KCNQ1: variants seen among roughly 807,000 people sequenced by gnomAD.
KCNQ1 encodes the protein potassium voltage-gated channel subfamily Q member 1.
KCNQ1 carries 49 observed loss-of-function variants against 72.4 expected under a neutral mutation model. That is an observed-to-expected ratio of 0.68 (90% confidence interval 0.54 to 0.86). KCNQ1 has a LOEUF of 0.86. Ranked by LOEUF, KCNQ1 falls within the 40% of genes least tolerant of loss-of-function variation. The probability of loss-of-function intolerance (pLI) is 0.00; values close to 1 mark genes in which losing one functional copy is unlikely to be tolerated. For missense variants in KCNQ1, 790 were observed against 945.1 expected (o/e 0.84, Z 2.15); for synonymous variants, 450 against 412.6 (o/e 1.09, Z -1.10).
intron 11 of KCNQ1, among the ~76,000 whole-genome samples, chr11:2,730,345 A>G (rs1479081760): frequency 6.6e-6 from 1 of 152,224 alleles, no homozygotes; most frequent in Non-Finnish European, 1.5e-5. Flanking sequence ...ATTATCTAAC[A>G]GCTCTGGAGG....
intron 13 of KCNQ1, among the ~76,000 whole-genome samples, chr11:2,776,617 C>T (rs1039509273): frequency 2.8e-4 from 43 of 152,178 alleles, no homozygotes; most frequent in Non-Finnish European, 2.1e-4. Context: ...GAGATGGGCT[C>T]GCCTGGGAAC....
At chr11:2,842,622 GCA>G (rs1338184241) in intron 15 of KCNQ1, among the ~76,000 whole-genome samples, 10 of 152,030 alleles carry the variant, frequency 6.6e-5, no homozygotes, top group Non-Finnish European at 1.0e-4. Flanking sequence ...CTTCTTGCAC[GCA>G]CAGTCTCCCA....
chr11:2,814,558 T>G (rs1590106492), intron 15 of KCNQ1, among the ~76,000 whole-genome samples: 1 of 150,016 alleles, frequency 6.7e-6, no homozygotes, highest in East Asian at 2.0e-4. Context: ...GGAGAAATGA[T>G]GGATAGGTGG....
At position 2,523,751 on chromosome 11, in the gene KCNQ1, G is replaced by GTTTTTTT. The variant is rs59766245; in HGVS notation, c.387-4163_387-4157dup. Among the ~76,000 whole-genome samples, 772 of 115,090 alleles carry GTTTTTTT rather than the reference G, an allele frequency of 6.7e-3. 35 individuals are homozygous for GTTTTTTT. The highest frequency in any genetic ancestry group is 0.023 in the African/African-American group (665 of 29,460). The allele number at this position is 115,090 out of a possible 152,430, so 75.5% of individuals were successfully genotyped here. ...GCCTCTGCCTTGGAGGAAGTTTACA[G>GTTTTTTT]TTTTTTTTTTTTTTTTTTTTGAAAG... On this transcript the variant is annotated intron_variant, in intron 1 of 15. Coordinates refer to ENST00000155840, the MANE Select transcript of KCNQ1 (RefSeq NM_000218.3).
chr11:2,677,376 G>A lies in KCNQ1; in HGVS notation c.1514+15295G>A. 1 of 398,586 alleles carries A rather than the reference G, an allele frequency of 2.5e-6. No individual in the cohort carries two copies. The highest frequency in any genetic ancestry group is 4.4e-6 in the Non-Finnish European group (1 of 226,044). The allele number at this position is 398,586 out of a possible 1,614,324, so 24.7% of individuals were successfully genotyped here. A position where few individuals can be genotyped will look rare whatever the true frequency, so the allele number is the denominator to read the frequency against. On this transcript the variant is annotated intron_variant, in intron 11 of 15. Transcript: ENST00000155840. The surrounding 1 kb of genome is among the most constrained non-coding windows in gnomAD (Gnocchi z 4.5). ...GAGTAGACCAGTTAGTTAATCAGTTGAAGAGGAAACCAAGATCGATGCCTA... is the reference window on the plus strand; with the variant it reads ...GAGTAGACCAGTTAGTTAATCAGTTAAAGAGGAAACCAAGATCGATGCCTA...
chr11:2,668,145 G>A lies in KCNQ1; in HGVS notation c.1514+6064G>A. 2.5e-6 allele frequency: 1 copy of A among 398,628 alleles called. No homozygotes were observed. Among genetic ancestry groups the A allele is most frequent in the East Asian group, 3.6e-5 (1 of 28,078 alleles). The allele number at this position is 398,628 out of a possible 1,614,324, so 24.7% of individuals were successfully genotyped here. On this transcript the variant is annotated intron_variant, in intron 11 of 15. Transcript: ENST00000155840. This position sits in a 1 kb window ranked among gnomAD's most constrained non-coding sequence, Gnocchi z 4.3. The stretch of plus-strand genomic sequence containing the variant: ...TGGCAGCCTCTCTATGGGGCTGAAG[G>A]GAGAGTGCTCCCTCATGCTCCTTGC...
chr11:2,784,624 T>C lies in KCNQ1; in HGVS notation c.1794+6587T>C, dbSNP rs1023452718. On this transcript the variant is annotated intron_variant, in intron 15 of 15. Coordinates refer to ENST00000155840, the MANE Select transcript of KCNQ1 (RefSeq NM_000218.3). The surrounding 1 kb of genome is among the most constrained non-coding windows in gnomAD (Gnocchi z 4.7). ...AATCTATAGATCCATTTGGGGAAAA[T>C]TGACAACTTAACAAAATTGAGTATT... Among the ~76,000 whole-genome samples, 1 of 151,894 alleles carries C rather than the reference T, an allele frequency of 6.6e-6. No individual in the cohort carries two copies. The highest frequency in any genetic ancestry group is 2.4e-5 in the African/African-American group (1 of 41,428).
chr11:2,652,338 C>G lies in KCNQ1; in HGVS notation c.1394-9623C>G. On this transcript the variant is annotated intron_variant, in intron 10 of 15. Transcript: ENST00000155840. The surrounding 1 kb of genome is among the most constrained non-coding windows in gnomAD (Gnocchi z 5.9). Reference sequence around the variant, plus strand: ...TATTGTGTGAAGTTAAGAACTGGCACATTTCCGCGATGTTGTGATGAAGGT... The same window carrying G: ...TATTGTGTGAAGTTAAGAACTGGCAGATTTCCGCGATGTTGTGATGAAGGT... 1 of 398,666 alleles carries G rather than the reference C, an allele frequency of 2.5e-6. No individual in the cohort carries two copies. Among genetic ancestry groups the G allele is most frequent in the Non-Finnish European group, 4.4e-6 (1 of 226,072 alleles). 24.7% of individuals were successfully genotyped at this position (398,666 alleles called of 1,614,324 possible). A position where few individuals can be genotyped will look rare whatever the true frequency, so the allele number is the denominator to read the frequency against.
intron 11 of KCNQ1, chr11:2,667,524 C>T (rs1348837832): frequency 3.1e-6 from 1 of 325,576 alleles, no homozygotes; most frequent in African/African-American, 2.3e-5. Flanking sequence ...GGGCAAAGGA[C>T]TTCACAACTG....
rs550780249 is a variant in KCNQ1 at position 2,541,812 on chromosome 11, C to T, written c.477+13794C>T. On this transcript the variant is annotated intron_variant, in intron 2 of 15. Coordinates refer to ENST00000155840, the MANE Select transcript of KCNQ1 (RefSeq NM_000218.3). This position sits in a 1 kb window ranked among gnomAD's most constrained non-coding sequence, Gnocchi z 4.8. ...AGTTTGTAAGAATTTGTAGTTTCTCCCCAGAGTTCATGGAGCCCCTGTCAG... is the reference window on the plus strand; with the variant it reads ...AGTTTGTAAGAATTTGTAGTTTCTCTCCAGAGTTCATGGAGCCCCTGTCAG... Among the ~76,000 whole-genome samples the T allele has an allele frequency of 7.2e-5, 11 of 152,174 alleles. No homozygotes were observed. The highest frequency in any genetic ancestry group is 3.3e-4 in the Admixed American group (5 of 15,298).
Position 2,515,639 on chromosome 11 carries a change from C to T in KCNQ1, c.387-12289C>T, listed in dbSNP as rs1385612358. 6.6e-6 allele frequency among the ~76,000 whole-genome samples: 1 copy of T among 152,146 alleles called. No individual in the cohort carries two copies. The highest frequency in any genetic ancestry group is 1.5e-5 in the Non-Finnish European group (1 of 68,024). On this transcript the variant is annotated intron_variant, in intron 1 of 15. Coordinates refer to ENST00000155840, the MANE Select transcript of KCNQ1 (RefSeq NM_000218.3). This position sits in a 1 kb window ranked among gnomAD's most constrained non-coding sequence, Gnocchi z 4.7. The stretch of plus-strand genomic sequence containing the variant: ...CAGCCCCTCCTCACCCTAGGCAGGC[C>T]TCTCACAGAGACAAGACGAGTGTCC...
At chr11:2,534,934 G>C (rs1427363985) in intron 2 of KCNQ1, among the ~76,000 whole-genome samples, 1 of 152,206 alleles carries the variant, frequency 6.6e-6, no homozygotes, top group Non-Finnish European at 1.5e-5. Flanking sequence ...CTCACTGCAG[G>C]GCCCTGTGTA....
rs1227745625 is a variant in KCNQ1 at position 2,703,595 on chromosome 11, G to A, written c.1514+41514G>A. On this transcript the variant is annotated intron_variant, in intron 11 of 15. Transcript: ENST00000155840. The surrounding 1 kb of genome is among the most constrained non-coding windows in gnomAD (Gnocchi z 6.4). ...TTTAGAGTGGGGGTGGGGGATTAGG[G>A]GAGGAAGTTGCTGAGCTAATTCTTT... is the stretch of plus-strand genomic sequence containing the variant. 2.0e-5 allele frequency among the ~76,000 whole-genome samples: 3 copies of A among 151,874 alleles called. No homozygotes were observed. The highest frequency in any genetic ancestry group is 4.4e-5 in the Non-Finnish European group (3 of 67,962).
rs1354660982 is a variant in KCNQ1 at position 2,592,896 on chromosome 11, C to T, written c.1393+4042C>T. Among the ~76,000 whole-genome samples, 2 of 152,186 alleles carry T rather than the reference C, an allele frequency of 1.3e-5. No individual in the cohort carries two copies. The highest frequency in any genetic ancestry group is 2.9e-5 in the Non-Finnish European group (2 of 68,016). On this transcript the variant is annotated intron_variant, in intron 10 of 15. Coordinates refer to ENST00000155840, the MANE Select transcript of KCNQ1 (RefSeq NM_000218.3). The surrounding 1 kb of genome is among the most constrained non-coding windows in gnomAD (Gnocchi z 5.2). ...GGGCTGGAGCCGCATACTGGCCATGCTGCCTCGCTGTCCCTGCCTCAGAGC... is the reference window on the plus strand; with the variant it reads ...GGGCTGGAGCCGCATACTGGCCATGTTGCCTCGCTGTCCCTGCCTCAGAGC...
intron 11 of KCNQ1, chr11:2,693,134 C>T (rs1210143311): frequency 2.5e-6 from 1 of 398,552 alleles, no homozygotes; most frequent in African/African-American, 2.1e-5. Flanking sequence ...CTGTCAATCA[C>T]CAGATAGCCC....
Position 2,668,472 on chromosome 11 carries a change from T to C in KCNQ1, c.1514+6391T>C. The C allele has an allele frequency of 2.5e-6, 1 of 398,654 alleles. No individual in the cohort carries two copies. The highest frequency in any genetic ancestry group is 4.4e-6 in the Non-Finnish European group (1 of 226,068). 24.7% of individuals were successfully genotyped at this position (398,654 alleles called of 1,614,324 possible). ...CTAACACTTGGCATTTTCCGTCGTT[T>C]CCTTTTCAGCCATGATGGTGAATGT... On this transcript the variant is annotated intron_variant, in intron 11 of 15. Coordinates refer to ENST00000155840, the MANE Select transcript of KCNQ1 (RefSeq NM_000218.3). This position sits in a 1 kb window ranked among gnomAD's most constrained non-coding sequence, Gnocchi z 4.3.
intron 2 of KCNQ1, among the ~76,000 whole-genome samples, chr11:2,529,067 C>CT (rs1175200033): frequency 5.9e-5 from 9 of 152,236 alleles, no homozygotes; most frequent in African/African-American, 1.9e-4. Flanking sequence ...CACAGGCCTG[C>CT]TGTCACTCTT....
Position 2,724,217 on chromosome 11 carries a change from C to G in KCNQ1, c.1515-44627C>G, listed in dbSNP as rs1030626330. On this transcript the variant is annotated intron_variant, in intron 11 of 15. Transcript: ENST00000155840. This position sits in a 1 kb window ranked among gnomAD's most constrained non-coding sequence, Gnocchi z 6.8. ...CACAGATCCAGGCTCAGATGATATACAGTCCTCCTCCCGGCTCAGGACCCC... is the reference window on the plus strand; with the variant it reads ...CACAGATCCAGGCTCAGATGATATAGAGTCCTCCTCCCGGCTCAGGACCCC... 6.6e-6 allele frequency among the ~76,000 whole-genome samples: 1 copy of G among 152,236 alleles called. No individual in the cohort carries two copies. Among genetic ancestry groups the G allele is most frequent in the Non-Finnish European group, 1.5e-5 (1 of 68,044 alleles).
chr11:2,660,496 C>T (rs555572025), intron 10 of KCNQ1: 8 of 398,566 alleles, frequency 2.0e-5, no homozygotes, highest in African/African-American at 1.6e-4. Context: ...ATCTATGCCT[C>T]ATATAACAAG....
Sources: gnomAD v4.1 joint callset for allele counts (sites outside exome capture counted in the v4.1 genomes callset) on GRCh38, gnomAD v4.1.1 for gene constraint, Gnocchi (gnomAD v3.1) non-coding constraint, MANE v1.5 for transcripts, NCBI Gene and HGNC (gene_info 2026-07-23, HGNC 2026-07-21) for gene names.